POMZP3: variants seen among roughly 807,000 people sequenced by gnomAD.
POMZP3 encodes the protein POM121 and ZP3 fusion, also known as POM121 and ZP3 fusion protein.
In POMZP3, 10 loss-of-function variants were observed where a neutral mutation model predicts 19.8. The ratio of observed to expected loss-of-function variants is 0.51; its 90% CI spans 0.31 to 0.86. The LOEUF (loss-of-function observed/expected upper bound fraction) is 0.86, where lower values mean the gene tolerates loss of function less well. Ranked by LOEUF, POMZP3 falls within the 40% of genes least tolerant of loss-of-function variation. POMZP3 has a pLI of 0.04. For missense variants in POMZP3, 152 were observed against 228.1 expected, an observed-to-expected ratio of 0.67 and a Z score of 2.15; for synonymous variants, 57 against 85.8, an observed-to-expected ratio of 0.66 and a Z score of 1.85.
In POMZP3 at chr7:76,613,507, C is replaced by CTTTTTTTTT. The variant is rs1193493149; in HGVS notation, c.346-1703_346-1695dup. ...ACCCTGTAAGCACTGCCCCCCTACC[C>CTTTTTTTTT]TTTTTTTTTTTTTTTTTTCTGAGAC... On this transcript the variant is annotated intron_variant, in intron 4 of 6. Transcript: ENST00000310842. 2.2e-3 allele frequency among the ~76,000 whole-genome samples: 145 copies of CTTTTTTTTT among 67,398 alleles called. 34 individuals are homozygous for CTTTTTTTTT. Among genetic ancestry groups the CTTTTTTTTT allele is most frequent in the African/African-American group, 4.1e-3 (57 of 13,952 alleles). 44.2% of individuals were successfully genotyped at this position (67,398 alleles called of 152,430 possible). A position where few individuals can be genotyped will look rare whatever the true frequency, so the allele number is the denominator to read the frequency against.
At chr7:76,623,802 CAAAA>C (rs922036003) in intron 3 of POMZP3, among the ~76,000 whole-genome samples, 1 of 147,716 alleles carries the variant, frequency 6.8e-6, no homozygotes, top group Non-Finnish European at 1.5e-5. Context: ...AATCCGCCTC[CAAAA>C]AAAAAGAAAG....
Position 76,625,283 on chromosome 7 carries a change from G to A in POMZP3, c.227+239C>T, listed in dbSNP as rs373835055. On this transcript the variant is annotated intron_variant, in intron 3 of 6. Transcript: ENST00000310842. ...AAGCATGAGGCTAACATGGCTAATA[G>A]CTGTCAGCTTATCTCTGCTACTCAC... 4.5e-3 allele frequency among the ~76,000 whole-genome samples: 675 copies of A among 150,688 alleles called. 9 individuals carry two copies. Among genetic ancestry groups the A allele is most frequent in the African/African-American group, 0.016 (648 of 41,002 alleles).
chr7:76,626,279 T>C (rs1301978403), intron 1 of POMZP3, 64 bp from the exon 2 acceptor site: 1 of 1,388,082 alleles, frequency 7.2e-7, no homozygotes, highest in Non-Finnish European at 9.8e-7. Flanking sequence ...TTTTAGACGG[T>C]TAAAAACCCA....
intron 1 of POMZP3, 116 bp downstream of exon 1, chr7:76,626,592 G>A (rs1219400826): frequency 8.7e-6 from 9 of 1,035,252 alleles, no homozygotes; most frequent in African/African-American, 1.7e-5. Flanking sequence ...TGTTAAGGAG[G>A]GCAAAACCAC....
chr7:76,623,770 C>T (rs1225982671), intron 3 of POMZP3, among the ~76,000 whole-genome samples: 1 of 151,896 alleles, frequency 6.6e-6, no homozygotes, highest in Non-Finnish European at 1.5e-5. Flanking sequence ...CATTTACACT[C>T]CGGCATGGCT....
intron 3 of POMZP3, among the ~76,000 whole-genome samples, chr7:76,620,861 A>ATCT (rs1815516756): frequency 1.3e-5 from 1 of 76,206 alleles, no homozygotes; most frequent in African/African-American, 6.8e-5. Flanking sequence ...CTGTAAAGCC[A>ATCT]TTTTTTTTTT....
At chr7:76,610,827 C>T (rs1815053811) in intron 6 of POMZP3, among the ~76,000 whole-genome samples, 2 of 150,350 alleles carry the variant, frequency 1.3e-5, no homozygotes, top group Non-Finnish European at 3.0e-5. Flanking sequence ...CCTCAGCCTC[C>T]CCAAGTGCTA....
rs1815941422 is a variant in POMZP3 at position 76,626,951 on chromosome 7, G to C, written c.-395C>G. 1 of 1,407,116 alleles carries C rather than the reference G, an allele frequency of 7.1e-7. No individual in the cohort carries two copies. The highest frequency in any genetic ancestry group is 9.3e-7 in the Non-Finnish European group (1 of 1,076,546). 87.2% of individuals were successfully genotyped at this position (1,407,116 alleles called of 1,614,324 possible). A position where few individuals can be genotyped will look rare whatever the true frequency, so the allele number is the denominator to read the frequency against. ...GGGTCAGGTCCTTCGAGCAGGGTCC[G>C]CGGCTCTAGGAGGTTTCCGTTGGCT... On this transcript the variant is annotated 5_prime_UTR_variant, in exon 1 of 7. Transcript: ENST00000310842.
rs1250422752 is a variant in POMZP3 at position 76,618,439 on chromosome 7, T to C, written c.228-139A>G. On this transcript the variant is annotated intron_variant, in intron 3 of 6. Transcript: ENST00000310842. ...GAGTTCGAGACTAGCCTGGCAAACA[T>C]GGTGAAACCTTGTCTCTACTAAAAA... 5.8e-5 allele frequency: 54 copies of C among 930,490 alleles called. 1 individual carries two copies. The Admixed American group carries it at 1.1e-3, about 19-fold the overall frequency. The allele number at this position is 930,490 out of a possible 1,614,324, so 57.6% of individuals were successfully genotyped here. A position where few individuals can be genotyped will look rare whatever the true frequency, so the allele number is the denominator to read the frequency against.
intron 3 of POMZP3, chr7:76,621,455 A>T (rs528886330): frequency 2.7e-5 from 4 of 150,100 alleles, no homozygotes; most frequent in Admixed American, 6.7e-5. Context: ...TAAAGAAGTT[A>T]TTATTTTTTT....
Position 76,626,132 on chromosome 7 carries a change from C to A in POMZP3, c.-68G>T, listed in dbSNP as rs1815878666. 1 of 1,611,666 alleles carries A rather than the reference C, an allele frequency of 6.2e-7. No homozygotes were observed. Among genetic ancestry groups the A allele is most frequent in the African/African-American group, 1.3e-5 (1 of 74,802 alleles). On this transcript the variant is annotated 5_prime_UTR_variant, in exon 2 of 7. Transcript: ENST00000310842. Reference sequence around the variant, plus strand: ...ATTCCAGCACACTGTGGGAAGTACCCCCGGACAGGAATACTGGGCCTGATG... The same window carrying A: ...ATTCCAGCACACTGTGGGAAGTACCACCGGACAGGAATACTGGGCCTGATG...
intron 1 of POMZP3, chr7:76,626,472 G>A: frequency 1.7e-6 from 1 of 591,590 alleles, no homozygotes; most frequent in Non-Finnish European, 3.0e-6. Flanking sequence ...AATCTAGACT[G>A]CACTAAAATT....
intron 3 of POMZP3, chr7:76,618,557 G>C (rs3762025): frequency 0.2 from 99,043 of 486,414 alleles, 10,853 homozygotes; most frequent in South Asian, 0.27. Context: ...GGAGGCAGAG[G>C]GTGTAGTGAG....
intron 3 of POMZP3, among the ~76,000 whole-genome samples, chr7:76,622,627 G>C (rs1815632507): frequency 6.6e-6 from 1 of 151,590 alleles, no homozygotes; most frequent in African/African-American, 2.4e-5. Context: ...GCCTCCCAAA[G>C]TGCTGGGATT....
rs1554652875 is a variant in POMZP3, at chr7:76,626,787, G to GTGAGGGCGGTGT, written c.-232_-231insACACCGCCCTCA. On this transcript the variant is annotated 5_prime_UTR_variant, in exon 1 of 7. Transcript: ENST00000310842. Reference sequence around the variant, plus strand: ...AAGTGGTGAACGCGATGGGTCGGCGGGGAGGGCGGTGTGGAGCGCGGCGCC... The same window carrying GTGAGGGCGGTGT: ...AAGTGGTGAACGCGATGGGTCGGCGGTGAGGGCGGTGTGGAGGGCGGTGTGGAGCGCGGCGCC... 4.4e-6 allele frequency: 6 copies of GTGAGGGCGGTGT among 1,373,054 alleles called. No homozygotes were observed. The highest frequency in any genetic ancestry group is 5.6e-6 in the Non-Finnish European group (6 of 1,077,502). 85.1% of individuals were successfully genotyped at this position (1,373,054 alleles called of 1,614,324 possible). A position where few individuals can be genotyped will look rare whatever the true frequency, so the allele number is the denominator to read the frequency against.
intron 5 of POMZP3, 22 bp downstream of exon 5, chr7:76,611,700 G>C (rs1488473262): frequency 1.4e-6 from 2 of 1,469,852 alleles, no homozygotes; most frequent in Non-Finnish European, 1.9e-6. Context: ...TTCTACTCCA[G>C]TCACGGAGCA....
Position 76,625,535 on chromosome 7 carries a change from C to T in POMZP3, c.214G>A (p.Glu72Lys). 1.2e-6 allele frequency: 2 copies of T among 1,613,428 alleles called. No individual in the cohort carries two copies. The highest frequency in any genetic ancestry group is 1.7e-6 in the Non-Finnish European group (2 of 1,179,622). ...EEDQIFLDGQ[E>K]NKRSCLVDGL... ...TGAGCCTGTTACCTTCTTTTATTTT[C>T]CTGGCCATCAAGGAATATTTGGTCT... is the stretch of plus-strand genomic sequence containing the variant. The change falls in exon 3 of 7, where the codon GAA (glutamate) becomes AAA (lysine). Residue 72 changes from glutamate to lysine, a missense_variant. This residue lies in a region of POMZP3 where 17 missense variants were observed against 38.1 expected (regional missense o/e 0.45). Transcript: ENST00000310842.
In POMZP3 at chr7:76,626,749, G is replaced by A. The variant is rs1237418613; in HGVS notation, c.-193C>T. On this transcript the variant is annotated 5_prime_UTR_variant, in exon 1 of 7. Coordinates refer to ENST00000310842, the MANE Select transcript of POMZP3 (RefSeq NM_012230.5). ...CGGAGGGTCGGAGAAGAGGAGTGGG[G>A]AGAGAGGGGTAAAAGTGGTGAACGC... 2 of 1,393,870 alleles carry A rather than the reference G, an allele frequency of 1.4e-6. No individual in the cohort carries two copies. The highest frequency in any genetic ancestry group is 1.8e-6 in the Non-Finnish European group (2 of 1,087,096). The allele number at this position is 1,393,870 out of a possible 1,614,324, so 86.3% of individuals were successfully genotyped here.
intron 3 of POMZP3, among the ~76,000 whole-genome samples, 192 bp downstream of exon 3, chr7:76,625,330 C>T (rs570243351): frequency 2.6e-5 from 4 of 151,510 alleles, no homozygotes; most frequent in African/African-American, 7.3e-5. Context: ...ATTATGACAT[C>T]GATCTAACCT....
Sources: gnomAD v4.1 joint callset for allele counts (sites outside exome capture counted in the v4.1 genomes callset) on GRCh38, gnomAD v4.1.1 for gene constraint, gnomAD v4.1.1 regional missense constraint, MANE v1.5 for transcripts, NCBI Gene and HGNC (gene_info 2026-07-23, HGNC 2026-07-21) for gene names.